Variants in SPG7 observed in about 807,000 individuals in gnomAD.
SPG7 encodes SPG7 matrix AAA peptidase subunit, paraplegin, also known as mitochondrial inner membrane m-AAA protease component paraplegin.
In SPG7, 103 loss-of-function variants were observed where a neutral mutation model predicts 81.9. That is an observed-to-expected ratio of 1.26 (90% CI 1.07 to 1.48). The LOEUF (loss-of-function observed/expected upper bound fraction) is 1.48. Ranked by LOEUF, SPG7 falls within the 40% of genes most tolerant of loss-of-function variation. SPG7 has a pLI of 0.00. For synonymous variants in SPG7, 534 were observed against 444.2 expected (o/e 1.20, Z -2.54); for missense variants, 1,241 against 1,087.3 (o/e 1.14, Z -1.99).
In SPG7 at chr16:89,546,776, G is replaced by A. The variant is rs746083152; in HGVS notation, c.1552+16G>A. 4.5e-6 allele frequency: 7 copies of A among 1,552,176 alleles called. No individual in the cohort carries two copies. Among genetic ancestry groups the A allele is most frequent in the African/African-American group, 2.7e-5 (2 of 73,746 alleles). On this transcript the variant is annotated intron_variant, in intron 11 of 16. Coordinates refer to ENST00000645818, the MANE Select transcript of SPG7 (RefSeq NM_003119.4). ...GGATTCAGTGGTACGTTCTCAACCC[G>A]CAGCCTGGGCAGCGTCACGTCCTGA...
intron 5 of SPG7, among the ~76,000 whole-genome samples, chr16:89,527,674 C>T (rs527564482): frequency 1.3e-5 from 2 of 152,252 alleles, no homozygotes; most frequent in African/African-American, 4.8e-5. Context: ...ACGTATGGAC[C>T]ATGGACCCTG....
At chr16:89,518,573 G>A (rs1177019332) in intron 3 of SPG7, 3 of 150,848 alleles carry the variant, frequency 2.0e-5, no homozygotes, top group East Asian at 1.9e-4. Flanking sequence ...CACTGATAAC[G>A]CGGGTGAACC....
intron 10 of SPG7, 151 bp downstream of exon 10, chr16:89,544,923 C>T: frequency 1.1e-6 from 1 of 908,860 alleles, no homozygotes; most frequent in Non-Finnish European, 1.7e-6. Context: ...CCCGCATCGG[C>T]TGCACGCCCC....
At chr16:89,530,309 T>G in intron 6 of SPG7, 1 of 343,112 alleles carries the variant, frequency 2.9e-6, no homozygotes, top group South Asian at 2.4e-5. Context: ...CACACCCAGC[T>G]AATTTTTTTG....
chr16:89,550,498 T>C lies in SPG7; in HGVS notation c.1668T>C (p.Thr556=). 1 of 1,612,720 alleles carries C rather than the reference T, an allele frequency of 6.2e-7. No individual in the cohort carries two copies. Among genetic ancestry groups the C allele is most frequent in the South Asian group, 1.1e-5 (1 of 91,058 alleles). The stretch of plus-strand genomic sequence containing the variant: ...CATACCCCGGCATTCTTTCAGGGAC[T>C]GCCAAAAAGAGCAAGATCCTGTCCA... ...EYAVERVLAG[T]AKKSKILSKE... is the part of the protein sequence containing the mutation. Residue 556 remains threonine (T), a synonymous_variant, in exon 13 of 17, where the codon ACT becomes ACC. Coordinates refer to ENST00000645818, the MANE Select transcript of SPG7 (RefSeq NM_003119.4).
At chr16:89,556,612 T>C in intron 16 of SPG7, 1 of 475,728 alleles carries the variant, frequency 2.1e-6, no homozygotes, top group Non-Finnish European at 3.9e-6. Flanking sequence ...ACGTCTTGTT[T>C]GGTGAAAGAA....
chr16:89,545,980 G>A (rs756705772), intron 10 of SPG7: 32 of 421,970 alleles, frequency 7.6e-5, no homozygotes, highest in African/African-American at 5.6e-4. Context: ...TACTATGGGC[G>A]TGCGCCGCCG....
intron 2 of SPG7, 78 bp from the exon 3 acceptor site, chr16:89,512,870 A>G (rs542866011): frequency 1.3e-6 from 2 of 1,517,056 alleles, no homozygotes; most frequent in South Asian, 1.1e-5. Flanking sequence ...TTGGTTATTT[A>G]GGAGTACACT....
At position 89,508,448 on chromosome 16, in the gene SPG7, C is replaced by G. The variant is rs1206986382; in HGVS notation, c.31C>G (p.Leu11Val). 4 of 1,502,778 alleles carry G rather than the reference C, an allele frequency of 2.7e-6. No individual in the cohort carries two copies. Among genetic ancestry groups the G allele is most frequent in the African/African-American group, 2.9e-5 (2 of 68,792 alleles). 93.1% of individuals were successfully genotyped at this position (1,502,778 alleles called of 1,614,324 possible). ...CGTGCTGCTGCTGCTGCTCCGTGCC[C>G]TCCGCCGGGGTCCAGGCCCGGGTCC... is the stretch of plus-strand genomic sequence containing the variant. Reference protein sequence around the residue: MAVLLLLLRALRRGPGPGPRP... With the variant: MAVLLLLLRAVRRGPGPGPRP... Residue 11 changes from leucine to valine, a missense_variant, in exon 1 of 17, where the codon CTC (leucine) becomes GTC (valine). Coordinates refer to ENST00000645818, the MANE Select transcript of SPG7 (RefSeq NM_003119.4).
At chr16:89,554,088 C>T (rs2058664373) in intron 15 of SPG7, 128 bp downstream of exon 15, 1 of 912,118 alleles carries the variant, frequency 1.1e-6, no homozygotes, top group Non-Finnish European at 1.7e-6. Flanking sequence ...TGGGTTTCTT[C>T]CTTCTGGGCT....
At chr16:89,536,820 G>A in intron 9 of SPG7, 1 of 1,614,180 alleles carries the variant, frequency 6.2e-7, no homozygotes, top group Non-Finnish European at 8.5e-7. Context: ...TCAGAGGAAA[G>A]ACCCCCGCCT....
intron 5 of SPG7, among the ~76,000 whole-genome samples, chr16:89,527,618 T>C (rs1306795637): frequency 6.6e-6 from 1 of 152,156 alleles, no homozygotes; most frequent in Non-Finnish European, 1.5e-5. Flanking sequence ...GGTGAAATTC[T>C]CATTTCAGTG....
At position 89,550,727 on chromosome 16, in the gene SPG7, C is replaced by T. The variant is rs548711936; in HGVS notation, c.1779+118C>T. ...GTGTCTGTAGCTGACTGGGGAGTCC[C>T]GCCTGTGTCTGTAGGTCATGTGAGA... On this transcript the variant is annotated intron_variant, in intron 13 of 16. Transcript: ENST00000645818. 143 of 719,508 alleles carry T rather than the reference C, an allele frequency of 2.0e-4. 1 individual carries two copies. The African/African-American group carries it at 2.0e-3, about 10-fold the overall frequency. 44.6% of individuals were successfully genotyped at this position (719,508 alleles called of 1,614,324 possible). A position where few individuals can be genotyped will look rare whatever the true frequency, so the allele number is the denominator to read the frequency against.
chr16:89,536,843 C>G (rs369119352), intron 9 of SPG7: 1 of 1,614,132 alleles, frequency 6.2e-7, no homozygotes, highest in African/African-American at 1.3e-5. Context: ...TCCTGTCTCA[C>G]GGAGCCCACA....
rs377581498 is a variant in SPG7 at position 89,546,614 on chromosome 16, A to G, written c.1450-44A>G. The G allele has an allele frequency of 1.0e-4, 138 of 1,367,034 alleles. 1 individual carries two copies. The African/African-American group carries it at 1.9e-3, about 19-fold the overall frequency. 84.7% of individuals were successfully genotyped at this position (1,367,034 alleles called of 1,614,324 possible). On this transcript the variant is annotated intron_variant, in intron 10 of 16. Transcript: ENST00000645818. Reference sequence around the variant, plus strand: ...CAAACATGCCGCACCTGTGGCAGTAACTAGGCTTGAGCCCGACTGTCTTTC... The same window carrying G: ...CAAACATGCCGCACCTGTGGCAGTAGCTAGGCTTGAGCCCGACTGTCTTTC...
At position 89,524,309 on chromosome 16, in the gene SPG7, A is replaced by C. The variant is rs1427376622; in HGVS notation, c.618+62A>C. Reference sequence around the variant, plus strand: ...TGGGCACAGGCTGGCAGCCTGTGAGAGTGAGGCTGTGGGCTCCTGTGAATG... The same window carrying C: ...TGGGCACAGGCTGGCAGCCTGTGAGCGTGAGGCTGTGGGCTCCTGTGAATG... On this transcript the variant is annotated intron_variant, in intron 4 of 16. Transcript: ENST00000645818. 5 of 1,558,682 alleles carry C rather than the reference A, an allele frequency of 3.2e-6. No homozygotes were observed. In the African/African-American group the frequency reaches 6.8e-5, roughly 21 times the overall value.
intron 8 of SPG7, 103 bp downstream of exon 8, chr16:89,532,169 G>A (rs111774208): frequency 4.0e-6 from 5 of 1,262,516 alleles, no homozygotes; most frequent in East Asian, 2.4e-5. Flanking sequence ...ACGGGTGGGT[G>A]GGGGAGTAGA....
At chr16:89,522,971 C>T (rs538716485) in intron 3 of SPG7, 480 of 153,144 alleles carry the variant, frequency 3.1e-3, no homozygotes, top group Non-Finnish European at 5.3e-3. Context: ...CAGATCCCCT[C>T]TGTGCTGGCC....
At chr16:89,521,786 AAAAAG>A (rs1217654507) in intron 3 of SPG7, 2 of 150,766 alleles carry the variant, frequency 1.3e-5, no homozygotes, top group Non-Finnish European at 2.9e-5. Flanking sequence ...AACAAAAATA[AAAAAG>A]AAAAGAAAAT....
Sources: gnomAD v4.1 joint callset for allele counts (sites outside exome capture counted in the v4.1 genomes callset) on GRCh38, gnomAD v4.1.1 for gene constraint, MANE v1.5 for transcripts, NCBI Gene and HGNC (gene_info 2026-07-23, HGNC 2026-07-21) for gene names.